Variants in PADI2 observed in about 807,000 individuals in gnomAD.
PADI2 encodes the protein protein-arginine deiminase type-2.
A neutral mutation model predicts 81.1 loss-of-function variants in PADI2; 70 were observed. The observed-to-expected ratio is 0.86, with a 90% CI of 0.71 to 1.05. The LOEUF (loss-of-function observed/expected upper bound fraction) is 1.05. Ranked by LOEUF, PADI2 falls within the 50% of genes least tolerant of loss-of-function variation. The pLI is 0.00. For missense variants in PADI2, 853 were observed against 889.9 expected (o/e 0.96, Z 0.53); for synonymous variants, 338 against 358.0 (o/e 0.94, Z 0.63).
At chr1:17,070,278 AACCC>A in intron 14 of PADI2, 62 bp from the exon 15 acceptor site, 1 of 1,597,054 alleles carries the variant, frequency 6.3e-7, no homozygotes, top group Non-Finnish European at 8.5e-7. Flanking sequence ...CCACCTTGTC[AACCC>A]CATCCCTGTC....
In PADI2 at chr1:17,105,072, A is replaced by C; in HGVS notation, c.93-11T>G. On this transcript the variant is annotated splice_polypyrimidine_tract_variant and intron_variant, in intron 1 of 15. Coordinates refer to ENST00000375486, the MANE Select transcript of PADI2 (RefSeq NM_007365.3). ...CCGGCTGGGGCCGCGCTGTGGGGAG[A>C]GATGAGAGAGGGTTAGGGAGAGCCC... 6.5e-7 allele frequency: 1 copy of C among 1,542,170 alleles called. No homozygotes were observed. Among genetic ancestry groups the C allele is most frequent in the Non-Finnish European group, 8.8e-7 (1 of 1,136,858 alleles).
chr1:17,085,311 A>G (rs1196290563), intron 7 of PADI2, among the ~76,000 whole-genome samples: 4 of 152,172 alleles, frequency 2.6e-5, no homozygotes, highest in Non-Finnish European at 5.9e-5. Context: ...CAAAAGATAT[A>G]GGAAATGGAC....
intron 6 of PADI2, among the ~76,000 whole-genome samples, chr1:17,088,156 C>T (rs904938642): frequency 2.6e-5 from 4 of 152,030 alleles, no homozygotes; most frequent in South Asian, 2.1e-4. Flanking sequence ...AGAAGAGGCA[C>T]GGTGGGAAGC....
rs1354588213 is a variant in PADI2, at chr1:17,118,330, T to C, written c.92+950A>G. On this transcript the variant is annotated intron_variant, in intron 1 of 15. Coordinates refer to ENST00000375486, the MANE Select transcript of PADI2 (RefSeq NM_007365.3). ...CCCCCAGCACTGACCCCTCCAACCC[T>C]AGCAATGGGGAGGTTTTAAATGCTT... Among the ~76,000 whole-genome samples, 4 of 152,156 alleles carry C rather than the reference T, an allele frequency of 2.6e-5. No homozygotes were observed. In the East Asian group the frequency reaches 7.7e-4, roughly 29 times the overall value.
chr1:17,095,253 A>G (rs2746517), intron 4 of PADI2, among the ~76,000 whole-genome samples: 93,436 of 151,530 alleles, frequency 0.62, 29,121 homozygotes, highest in African/African-American at 0.68. Flanking sequence ...ACAGAATGTG[A>G]TGGAGAACAC....
chr1:17,085,871 A>C (rs1351479177), intron 7 of PADI2, among the ~76,000 whole-genome samples: 1 of 152,130 alleles, frequency 6.6e-6, no homozygotes, highest in Non-Finnish European at 1.5e-5. Context: ...TGAGCGAAAC[A>C]GGGTGGGCCT....
At chr1:17,076,634 T>C (rs559005277) in intron 11 of PADI2, among the ~76,000 whole-genome samples, 24 of 152,010 alleles carry the variant, frequency 1.6e-4, no homozygotes, top group Non-Finnish European at 2.8e-4. Flanking sequence ...ACCAGTGCAG[T>C]GGCATGATCT....
chr1:17,102,644 C>T (rs1188924656), intron 3 of PADI2, among the ~76,000 whole-genome samples: 1 of 151,990 alleles, frequency 6.6e-6, no homozygotes, highest in African/African-American at 2.4e-5. Context: ...TTCCCCTCAC[C>T]ATGAGAGGGA....
At chr1:17,082,464 G>A (rs935526358) in intron 10 of PADI2, 81 bp downstream of exon 10, 21 of 887,264 alleles carry the variant, frequency 2.4e-5, no homozygotes, top group East Asian at 9.8e-5. Flanking sequence ...GTGTCAAGGC[G>A]GCCCAGGGTC....
Position 17,119,203 on chromosome 1 carries a change from A to G in PADI2, c.92+77T>C, listed in dbSNP as rs1931857339. 1 of 1,050,984 alleles carries G rather than the reference A, an allele frequency of 9.5e-7. No homozygotes were observed. Among genetic ancestry groups the G allele is most frequent in the African/African-American group, 1.7e-5 (1 of 60,104 alleles). 65.1% of individuals were successfully genotyped at this position (1,050,984 alleles called of 1,614,324 possible). On this transcript the variant is annotated intron_variant, in intron 1 of 15. Transcript: ENST00000375486. This position sits in a 1 kb window ranked among gnomAD's most constrained non-coding sequence, Gnocchi z 4.8. ...AACTCGGGCTGGACAAAGGCTGTCC[A>G]CGTCCCCGAGTCTGAGCGCGTCTCA...
chr1:17,077,665 G>T (rs1007649017), intron 11 of PADI2, among the ~76,000 whole-genome samples: 1 of 152,172 alleles, frequency 6.6e-6, no homozygotes, highest in South Asian at 2.1e-4. Flanking sequence ...GTGAATGAGT[G>T]GCCACTGAGT....
Position 17,075,728 on chromosome 1 carries a change from A to C in PADI2, c.1406T>G (p.Val469Gly). ...PVELYSDWLT[V>G]GHVDEFMSFV... ...GGACATGAACTCATCCACGTGGCCC[A>C]CAGTCAGCCAGTCTGAGTAGAGCTC... is the stretch of plus-strand genomic sequence containing the variant. Residue 469 changes from valine (V) to glycine (G), a missense_variant, in exon 12 of 16, where the codon GTG becomes GGG. Physicochemically the swap from Val to Gly is moderately radical, Grantham distance 109 (BLOSUM62 -3). Coordinates refer to ENST00000375486, the MANE Select transcript of PADI2 (RefSeq NM_007365.3). The C allele has an allele frequency of 6.2e-7, 1 of 1,614,076 alleles. No homozygotes were observed. The highest frequency in any genetic ancestry group is 1.1e-5 in the South Asian group (1 of 91,070).
chr1:17,084,762 T>C (rs2078373204), intron 7 of PADI2, 60 bp from the exon 8 acceptor site: 2 of 1,049,086 alleles, frequency 1.9e-6, no homozygotes, highest in East Asian at 5.3e-5. Flanking sequence ...TTTCTTTGCC[T>C]GCCTTTCAAA....
chr1:17,105,083 G>A (rs762566177), intron 1 of PADI2, 22 bp from the exon 2 acceptor site: 1 of 1,513,234 alleles, frequency 6.6e-7, no homozygotes, highest in Admixed American at 1.9e-5. Flanking sequence ...GATGAGAGAG[G>A]GTTAGGGAGA....
chr1:17,108,880 T>C (rs1339792869), intron 1 of PADI2, among the ~76,000 whole-genome samples: 1 of 152,232 alleles, frequency 6.6e-6, no homozygotes, highest in Non-Finnish European at 1.5e-5. Flanking sequence ...CATGAGAGTC[T>C]GGGAAACTAT....
intron 11 of PADI2, 82 bp from the exon 12 acceptor site, chr1:17,075,905 C>G: frequency 4.5e-6 from 6 of 1,344,262 alleles, no homozygotes; most frequent in Non-Finnish European, 6.3e-6. Context: ...CTCTGGGACC[C>G]ACCTCGGACC....
chr1:17,104,962 A>G lies in PADI2; in HGVS notation c.192T>C (p.Asn64=), dbSNP rs779980166. Residue 64 remains asparagine, a synonymous_variant, in exon 2 of 16, where the codon AAT becomes AAC. Transcript: ENST00000375486. ...RDGEAEEVAT[N]GKQRWLLSPS... ...GCGAGAGAAGCCAGCGCTGCTTGCC[A>G]TTGGTGGCCACCTCCTCAGCCTCCC... is the stretch of plus-strand genomic sequence containing the variant. 8.1e-6 allele frequency: 13 copies of G among 1,609,786 alleles called. No individual in the cohort carries two copies. In the East Asian group the frequency reaches 2.5e-4, roughly 30 times the overall value.
At chr1:17,096,484 C>G (rs757931266) in intron 3 of PADI2, among the ~76,000 whole-genome samples, 16 of 152,284 alleles carry the variant, frequency 1.1e-4, no homozygotes, top group Non-Finnish European at 2.1e-4. Context: ...GTCTCTTTCT[C>G]TCCCAGAACT....
chr1:17,082,513 G>T, intron 10 of PADI2, 32 bp downstream of exon 10: 2 of 1,338,770 alleles, frequency 1.5e-6, no homozygotes, highest in Non-Finnish European at 2.2e-6. Flanking sequence ...CCAGGATCAT[G>T]CTCCACCCGC....
Sources: gnomAD v4.1 joint callset for allele counts (sites outside exome capture counted in the v4.1 genomes callset) on GRCh38, gnomAD v4.1.1 for gene constraint, Gnocchi (gnomAD v3.1) non-coding constraint, MANE v1.5 for transcripts, NCBI Gene and HGNC (gene_info 2026-07-23, HGNC 2026-07-21) for gene names.